PPP2R2B: variants seen among roughly 807,000 people sequenced by gnomAD.
The protein encoded by PPP2R2B is protein phosphatase 2 regulatory subunit Bbeta.
Under a neutral mutation model 46.0 loss-of-function variants are expected in PPP2R2B, and 5 were observed. That is an observed-to-expected ratio of 0.11 (90% confidence interval 0.06 to 0.23). The LOEUF (loss-of-function observed/expected upper bound fraction) is 0.23, where lower values mean the gene tolerates loss of function less well. Ranked by LOEUF, PPP2R2B falls within the 10% of genes least tolerant of loss-of-function variation. The pLI is 1.00. For missense variants in PPP2R2B, 367 were observed against 575.0 expected, an observed-to-expected ratio of 0.64 and a Z score of 3.70; for synonymous variants, 215 against 206.7, an observed-to-expected ratio of 1.04 and a Z score of -0.34.
Position 146,585,259 on chromosome 5 carries a change from T to TATAC in PPP2R2B, c.*4687_*4688insGTAT, listed in dbSNP as rs1554109061. On this transcript the variant is annotated 3_prime_UTR_variant, in exon 10 of 10. Transcript: ENST00000394411. ...GATCAGTAACTTCCATCTACATGCA[T>TATAC]ACACACACACACACACACACACACA... 7.7e-6 allele frequency: 1 copy of TATAC among 129,902 alleles called. No homozygotes were observed. Among genetic ancestry groups the TATAC allele is most frequent in the Non-Finnish European group, 1.6e-5 (1 of 63,106 alleles). The allele number at this position is 129,902 out of a possible 1,614,324, so 8.0% of individuals were successfully genotyped here.
At chr5:146,697,379 C>A (rs1779235210) in intron 4 of PPP2R2B, among the ~76,000 whole-genome samples, 1 of 152,118 alleles carries the variant, frequency 6.6e-6, no homozygotes, top group Non-Finnish European at 1.5e-5. Flanking sequence ...CTATTCAGTA[C>A]CCAACATCCT....
chr5:146,775,678 T>C (rs1292239794), intron 2 of PPP2R2B, among the ~76,000 whole-genome samples: 1 of 152,092 alleles, frequency 6.6e-6, no homozygotes, highest in African/African-American at 2.4e-5. Context: ...AAGGAAGAAG[T>C]AAAACTATCT....
rs1760399292 is a variant in PPP2R2B at position 146,852,369 on chromosome 5, G to A, written c.70+25633C>T. On this transcript the variant is annotated intron_variant, in intron 2 of 9. Transcript: ENST00000394411. ...TTTGTTTTTAACCTAACAAATCATA[G>A]CCTGATTACAGGTCATTAGTGACCA... is the stretch of plus-strand genomic sequence containing the variant. Among the ~76,000 whole-genome samples the A allele has an allele frequency of 2.6e-5, 4 of 152,060 alleles. No homozygotes were observed. The South Asian group carries it at 8.3e-4, about 32-fold the overall frequency.
At chr5:146,655,851 C>G (rs938988102) in intron 5 of PPP2R2B, among the ~76,000 whole-genome samples, 1 of 147,130 alleles carries the variant, frequency 6.8e-6, no homozygotes, top group African/African-American at 2.5e-5. Flanking sequence ...AAGGAGAAGA[C>G]TACCAAGCTA....
intron 1 of PPP2R2B, among the ~76,000 whole-genome samples, chr5:146,905,414 T>A (rs1340638282): frequency 1.3e-5 from 2 of 152,196 alleles, no homozygotes; most frequent in Non-Finnish European, 2.9e-5. Context: ...AATTTTTAAA[T>A]TTTTATAATA....
chr5:146,987,157 G>GAGAGAGATGTAGA (rs1477132124), intron 1 of PPP2R2B, among the ~76,000 whole-genome samples: 4 of 152,090 alleles, frequency 2.6e-5, no homozygotes, highest in Non-Finnish European at 5.9e-5. Context: ...ATCTGGCAAA[G>GAGAGAGATGTAGA]CTATCCTTAA....
intron 2 of PPP2R2B, among the ~76,000 whole-genome samples, chr5:146,839,505 C>T (rs1023284940): frequency 3.3e-5 from 5 of 152,028 alleles, no homozygotes; most frequent in Non-Finnish European, 7.4e-5. Context: ...GGGTGATGAG[C>T]GAAATCCCAT....
chr5:146,910,623 C>A (rs1027571553), intron 1 of PPP2R2B, among the ~76,000 whole-genome samples: 1 of 152,170 alleles, frequency 6.6e-6, no homozygotes, highest in Non-Finnish European at 1.5e-5. Context: ...AAATAATTCA[C>A]TTAAGCACTT....
chr5:146,940,645 C>T (rs1310719888), intron 1 of PPP2R2B, among the ~76,000 whole-genome samples: 2 of 152,108 alleles, frequency 1.3e-5, no homozygotes, highest in African/African-American at 4.8e-5. Context: ...ATCCCTTTTC[C>T]TTTTCTTCGT....
intron 2 of PPP2R2B, among the ~76,000 whole-genome samples, chr5:146,807,831 C>CTTTTTTTTTTTTTT (rs1554139359): frequency 1.4e-5 from 1 of 73,878 alleles, no homozygotes. Flanking sequence ...GACAGTTTTG[C>CTTTTTTTTTTTTTT]TCTTGTTGCC....
intron 1 of PPP2R2B, among the ~76,000 whole-genome samples, chr5:146,992,285 A>G (rs918988506): frequency 1.3e-5 from 2 of 152,226 alleles, no homozygotes; most frequent in African/African-American, 4.8e-5. Flanking sequence ...TCTTAAACAA[A>G]TGGTGTTGGG....
chr5:146,584,834 T>C lies in PPP2R2B; in HGVS notation c.*5113A>G, dbSNP rs1458330688. On this transcript the variant is annotated 3_prime_UTR_variant, in exon 10 of 10. Transcript: ENST00000394411. ...TGTTTCTAATGGAAGGAGAGAAACA[T>C]TGGCTTTCTGTTTCCATGCCATATG... is the stretch of plus-strand genomic sequence containing the variant. 5 of 152,318 alleles carry C rather than the reference T, an allele frequency of 3.3e-5. No homozygotes were observed. The highest frequency in any genetic ancestry group is 9.6e-5 in the African/African-American group (4 of 41,578). 9.4% of individuals were successfully genotyped at this position (152,318 alleles called of 1,614,324 possible).
chr5:146,596,947 CTGACTGGAATT>C (rs1771232579), intron 8 of PPP2R2B, among the ~76,000 whole-genome samples: 1 of 152,218 alleles, frequency 6.6e-6, no homozygotes, highest in Non-Finnish European at 1.5e-5. Flanking sequence ...TCTTCTTCCT[CTGACTGGAATT>C]TGGATCTCCT....
intron 2 of PPP2R2B, among the ~76,000 whole-genome samples, chr5:146,867,598 C>A (rs1761384245): frequency 6.6e-6 from 1 of 152,118 alleles, no homozygotes; most frequent in Admixed American, 6.6e-5. Flanking sequence ...GTGACCTGCC[C>A]AAGGCCACAG....
chr5:146,822,131 T>C (rs112613179), intron 2 of PPP2R2B, among the ~76,000 whole-genome samples: 1 of 152,310 alleles, frequency 6.6e-6, no homozygotes, highest in Non-Finnish European at 1.5e-5. Flanking sequence ...AATATGCTTA[T>C]TTTACAAGAA....
intron 2 of PPP2R2B, chr5:146,706,825 C>G: frequency 1.0e-6 from 1 of 953,944 alleles, no homozygotes; most frequent in Admixed American, 1.7e-5. Context: ...CGTACTGTAC[C>G]TTGACCTCAG....
intron 2 of PPP2R2B, among the ~76,000 whole-genome samples, chr5:146,742,331 C>T (rs1382562905): frequency 6.6e-6 from 1 of 152,108 alleles, no homozygotes; most frequent in Non-Finnish European, 1.5e-5. Flanking sequence ...CAAAATCTTA[C>T]CGTTGGAGAG....
intron 7 of PPP2R2B, among the ~76,000 whole-genome samples, chr5:146,622,868 G>A (rs961805160): frequency 6.6e-6 from 1 of 152,114 alleles, no homozygotes. Context: ...TTGTACTGGG[G>A]TCTATTATAT....
intron 1 of PPP2R2B, among the ~76,000 whole-genome samples, chr5:146,986,447 A>G (rs1213175408): frequency 6.6e-6 from 1 of 152,204 alleles, no homozygotes; most frequent in Non-Finnish European, 1.5e-5. Flanking sequence ...GGTCCTGAAT[A>G]AATTGCAGCG....
Sources: allele counts gnomAD v4.1 joint callset (sites outside exome capture counted in the v4.1 genomes callset), GRCh38; gene constraint gnomAD v4.1.1; transcripts MANE v1.5; gene names NCBI Gene and HGNC (gene_info 2026-07-23, HGNC 2026-07-21).